PIK3C2B: variants seen among roughly 807,000 people sequenced by gnomAD.
PIK3C2B encodes the protein phosphatidylinositol-4-phosphate 3-kinase catalytic subunit type 2 beta.
PIK3C2B carries 83 observed loss-of-function variants against 184.3 expected under a neutral mutation model. The ratio of observed to expected loss-of-function variants is 0.45; its 90% CI spans 0.38 to 0.54. PIK3C2B has a LOEUF of 0.54. PIK3C2B is among the 20% of genes least tolerant of loss of function. The probability of loss-of-function intolerance (pLI) is 0.00; values close to 1 mark genes in which losing one functional copy is unlikely to be tolerated. For synonymous variants in PIK3C2B, 779 were observed against 837.6 expected, an observed-to-expected ratio of 0.93 and a Z score of 1.21; for missense variants, 1,736 against 2,113.5, an observed-to-expected ratio of 0.82 and a Z score of 3.50.
At chr1:204,436,701 A>C (rs1675364513) in intron 23 of PIK3C2B, among the ~76,000 whole-genome samples, 3 of 151,964 alleles carry the variant, frequency 2.0e-5, no homozygotes. Context: ...CTGTACATTT[A>C]TTATTATTTA....
At chr1:204,457,943 C>T in intron 8 of PIK3C2B, 69 bp from the exon 9 acceptor site, 1 of 1,428,880 alleles carries the variant, frequency 7.0e-7, no homozygotes, top group Non-Finnish European at 9.6e-7. Context: ...CCCCTCCCCA[C>T]CCCAGTCTTT....
At chr1:204,441,595 A>G in intron 20 of PIK3C2B, 32 bp from the exon 21 acceptor site, 1 of 1,494,818 alleles carries the variant, frequency 6.7e-7, no homozygotes, top group Non-Finnish European at 9.3e-7. Flanking sequence ...GACGAGGGTC[A>G]GAGTGGCCCA....
At chr1:204,463,954 G>A (rs1655539307) in intron 5 of PIK3C2B, 58 bp downstream of exon 5, 3 of 1,573,576 alleles carry the variant, frequency 1.9e-6, no homozygotes, top group Non-Finnish European at 2.6e-6. Context: ...ATCCCATGAA[G>A]CCCCCTCACA....
intron 10 of PIK3C2B, 122 bp downstream of exon 10, chr1:204,456,886 ACACACACACACACACACACACCCACACAC>A: frequency 2.0e-6 from 1 of 489,958 alleles, no homozygotes; most frequent in South Asian, 2.5e-5. Flanking sequence ...ACACACACAC[ACACACACACACACACACACACCCACACAC>A]ACACACACAC....
chr1:204,465,681 A>C (rs1290795071), intron 2 of PIK3C2B, among the ~76,000 whole-genome samples: 1 of 152,160 alleles, frequency 6.6e-6, no homozygotes, highest in Non-Finnish European at 1.5e-5. Context: ...CGTGACAGGG[A>C]GCAGAGCAGA....
At chr1:204,466,574 C>G (rs1007820961) in intron 2 of PIK3C2B, among the ~76,000 whole-genome samples, 1 of 151,752 alleles carries the variant, frequency 6.6e-6, no homozygotes, top group African/African-American at 2.4e-5. Flanking sequence ...GTGTCCCAGT[C>G]AAAACAATAG....
chr1:204,449,207 T>C lies in PIK3C2B; in HGVS notation c.2324A>G (p.Gln775Arg), dbSNP rs1342286815. 2 of 1,612,152 alleles carry C rather than the reference T, an allele frequency of 1.2e-6. No individual in the cohort carries two copies. Among genetic ancestry groups the C allele is most frequent in the South Asian group, 2.2e-5 (2 of 90,462 alleles). Residue 775 changes from glutamine to arginine, a missense_variant, in exon 14 of 33, where the codon CAG becomes CGG. By Grantham distance (43) the Gln-to-Arg change is conservative. This residue lies in a region of PIK3C2B where 609 missense variants were observed against 699.2 expected (regional missense o/e 0.87). Transcript: ENST00000684373. Reference protein sequence around the residue: ...SARWSAPNFHQPDSVILQIDF... With the variant: ...SARWSAPNFHRPDSVILQIDF... The stretch of plus-strand genomic sequence containing the variant: ...CACCTGCAGGATGACACTGTCTGGC[T>C]GGTGGAAATTAGGTGCACTCCAACG...
intron 5 of PIK3C2B, among the ~76,000 whole-genome samples, chr1:204,462,085 A>G (rs1022533117): frequency 3.3e-5 from 5 of 151,908 alleles, no homozygotes; most frequent in Admixed American, 2.0e-4. Context: ...TCATGCACAC[A>G]GGTCCCCTGG....
At position 204,457,866 on chromosome 1, in the gene PIK3C2B, G is replaced by C. The variant is rs1655001762; in HGVS notation, c.1575C>G (p.Phe525Leu). ...GGACCACCCTGTCAGCCTTCAGTGG[G>C]AAGTCTCCCTGTGGGAGGTGGCACA... is the stretch of plus-strand genomic sequence containing the variant. ...VDAFLLADGDFPLKADRVVQS... is the reference protein window; with the variant it reads ...VDAFLLADGDLPLKADRVVQS... Residue 525 changes from phenylalanine to leucine, a missense_variant, in exon 9 of 33, where the codon TTC (phenylalanine) becomes TTG (leucine). This residue lies in a region of PIK3C2B where 609 missense variants were observed against 699.2 expected (regional missense o/e 0.87). Transcript: ENST00000684373. 6.2e-7 allele frequency: 1 copy of C among 1,612,762 alleles called. No individual in the cohort carries two copies. The highest frequency in any genetic ancestry group is 1.7e-4 in the Middle Eastern group (1 of 5,838).
intron 2 of PIK3C2B, 117 bp downstream of exon 2, chr1:204,468,752 AG>A: frequency 1.2e-6 from 1 of 842,022 alleles, no homozygotes; most frequent in Non-Finnish European, 1.8e-6. Flanking sequence ...CAAAGAGGGT[AG>A]GAGAGGCCTA....
chr1:204,474,042 A>T (rs1656509025), intron 1 of PIK3C2B, among the ~76,000 whole-genome samples: 1 of 123,352 alleles, frequency 8.1e-6, no homozygotes, highest in Non-Finnish European at 1.6e-5. Context: ...CCCAAGCTGG[A>T]GTGCAATGGC....
rs1207463418 is a variant in PIK3C2B, at chr1:204,429,939, T to A, written c.4380A>T (p.Ala1460=). The change falls in exon 29 of 33, where the codon GCA becomes GCT. Residue 1460 remains alanine (A), a synonymous_variant. Transcript: ENST00000684373. The part of the protein sequence containing the change: ...LNGYIWHLIH[A]PPEVAECDLV... The stretch of plus-strand genomic sequence containing the variant: ...CACCCACCTCGGCCACCTCAGGGGG[T>A]GCGTGGATCAAGTGCCAGATGTAAC... 6.2e-7 allele frequency: 1 copy of A among 1,610,940 alleles called. No individual in the cohort carries two copies.
intron 18 of PIK3C2B, 89 bp downstream of exon 18, chr1:204,443,979 T>C (rs1653617311): frequency 1.1e-6 from 1 of 928,870 alleles, no homozygotes; most frequent in African/African-American, 1.6e-5. Context: ...CCCGGACAAC[T>C]CAGTTCCTTG....
At chr1:204,485,969 G>A (rs565380652) in intron 1 of PIK3C2B, among the ~76,000 whole-genome samples, 1 of 152,264 alleles carries the variant, frequency 6.6e-6, no homozygotes, top group East Asian at 1.9e-4. Context: ...TTTATAATTT[G>A]TAATGTGCTC....
intron 1 of PIK3C2B, among the ~76,000 whole-genome samples, chr1:204,481,478 C>A (rs891502827): frequency 1.1e-4 from 17 of 151,996 alleles, no homozygotes; most frequent in African/African-American, 3.9e-4. Context: ...AGGATGGTCT[C>A]GATCTCCTGA....
intron 20 of PIK3C2B, 59 bp from the exon 21 acceptor site, chr1:204,441,622 C>T (rs571467491): frequency 1.3e-5 from 15 of 1,177,656 alleles, no homozygotes; most frequent in Admixed American, 7.3e-5. Flanking sequence ...GAAAGGAAAA[C>T]GACCTCTCCA....
Position 204,423,995 on chromosome 1 carries a change from C to G in PIK3C2B, c.*857G>C, listed in dbSNP as rs910977528. ...GAGACCAGCTGACCCCCAGAAGGGC[C>G]AGGAGAATGGAGGGGCAAGGGGTAG... On this transcript the variant is annotated 3_prime_UTR_variant, in exon 33 of 33. Transcript: ENST00000684373. 5.2e-5 allele frequency: 8 copies of G among 152,668 alleles called. No individual in the cohort carries two copies. Among genetic ancestry groups the G allele is most frequent in the Non-Finnish European group, 7.3e-5 (5 of 68,134 alleles). 9.5% of individuals were successfully genotyped at this position (152,668 alleles called of 1,614,324 possible). A position where few individuals can be genotyped will look rare whatever the true frequency, so the allele number is the denominator to read the frequency against.
chr1:204,475,927 A>C (rs1269061486), intron 1 of PIK3C2B, among the ~76,000 whole-genome samples: 1 of 152,156 alleles, frequency 6.6e-6, no homozygotes, highest in Non-Finnish European at 1.5e-5. Flanking sequence ...CACACTGGCA[A>C]TGCTCCTCCC....
chr1:204,427,265 AG>A (rs1674795305), intron 31 of PIK3C2B, among the ~76,000 whole-genome samples: 1 of 152,248 alleles, frequency 6.6e-6, no homozygotes, highest in Non-Finnish European at 1.5e-5. Flanking sequence ...CAATCATTAT[AG>A]CCAGGTAATG....
Sources: gnomAD v4.1 joint callset for allele counts (sites outside exome capture counted in the v4.1 genomes callset) on GRCh38, gnomAD v4.1.1 for gene constraint, gnomAD v4.1.1 regional missense constraint, MANE v1.5 for transcripts, NCBI Gene and HGNC (gene_info 2026-07-23, HGNC 2026-07-21) for gene names.